The following SOX6 variants were observed in gnomAD, a reference collection of about 807,000 sequenced individuals.
The protein encoded by SOX6 is transcription factor SOX-6.
SOX6 carries 11 observed loss-of-function variants against 97.8 expected under a neutral mutation model. The ratio of observed to expected loss-of-function variants is 0.11; its 90% CI spans 0.07 to 0.19. The LOEUF is 0.19. SOX6 is among the 10% of genes least tolerant of loss of function. The probability of loss-of-function intolerance (pLI) is 1.00; values close to 1 mark genes in which losing one functional copy is unlikely to be tolerated. For synonymous variants in SOX6, 360 were observed against 371.4 expected (o/e 0.97, Z 0.35); for missense variants, 810 against 1,039.5 (o/e 0.78, Z 3.04).
intron 13 of SOX6, among the ~76,000 whole-genome samples, chr11:15,994,075 G>C (rs1488968710): frequency 6.6e-6 from 1 of 152,156 alleles, no homozygotes; most frequent in Non-Finnish European, 1.5e-5. Flanking sequence ...TTGTGATGGG[G>C]TATACAAAGA....
intron 3 of SOX6, among the ~76,000 whole-genome samples, chr11:16,624,880 A>G (rs1474162450): frequency 1.3e-5 from 2 of 152,190 alleles, no homozygotes; most frequent in African/African-American, 4.8e-5. Context: ...AATGACATTG[A>G]GCACTTTTTC....
chr11:16,281,168 C>T (rs1854548512), intron 3 of SOX6, among the ~76,000 whole-genome samples: 1 of 152,150 alleles, frequency 6.6e-6, no homozygotes, highest in South Asian at 2.1e-4. Flanking sequence ...AACTTTATTA[C>T]CAACAGAATA....
intron 3 of SOX6, among the ~76,000 whole-genome samples, chr11:16,241,366 T>G (rs956879491): frequency 1.3e-5 from 2 of 152,072 alleles, no homozygotes; most frequent in Non-Finnish European, 2.9e-5. Flanking sequence ...ATAAAAACAT[T>G]CCATTAGAAA....
intron 4 of SOX6, among the ~76,000 whole-genome samples, chr11:16,518,014 C>T (rs975295553): frequency 6.6e-6 from 1 of 152,128 alleles, no homozygotes; most frequent in South Asian, 2.1e-4. Context: ...TCATTGCTCG[C>T]CCCATCCATA....
intron 1 of SOX6, among the ~76,000 whole-genome samples, chr11:16,433,241 G>A (rs751601241): frequency 2.6e-5 from 4 of 151,780 alleles, no homozygotes; most frequent in African/African-American, 4.8e-5. Flanking sequence ...ACATCCATTC[G>A]TTATTTTTCC....
At chr11:16,284,457 T>G (rs1854672547) in intron 3 of SOX6, among the ~76,000 whole-genome samples, 1 of 152,158 alleles carries the variant, frequency 6.6e-6, no homozygotes, top group South Asian at 2.1e-4. Flanking sequence ...TACCATTTAC[T>G]CTACATTTCC....
chr11:16,365,607 T>C (rs1385147578), intron 1 of SOX6, among the ~76,000 whole-genome samples: 1 of 152,148 alleles, frequency 6.6e-6, no homozygotes, highest in Non-Finnish European at 1.5e-5. Flanking sequence ...AGACAAACTG[T>C]TGTGCTTATT....
chr11:16,608,837 T>C (rs1160772671), intron 4 of SOX6, among the ~76,000 whole-genome samples: 1 of 152,202 alleles, frequency 6.6e-6, no homozygotes, highest in Non-Finnish European at 1.5e-5. Context: ...ATGATATATG[T>C]ATATTACCTC....
intron 3 of SOX6, among the ~76,000 whole-genome samples, chr11:16,706,338 C>T (rs1848131840): frequency 6.8e-6 from 1 of 146,140 alleles, no homozygotes; most frequent in Non-Finnish European, 1.5e-5. Flanking sequence ...GTCCCAGCTA[C>T]TCAGGAGGCT....
intron 9 of SOX6, among the ~76,000 whole-genome samples, chr11:16,082,481 A>G (rs958627292): frequency 1.3e-5 from 2 of 152,184 alleles, no homozygotes; most frequent in Non-Finnish European, 2.9e-5. Flanking sequence ...CTGAGAAGCA[A>G]TGTGCTAAAT....
At chr11:16,710,499 A>T (rs1308123154) in intron 3 of SOX6, among the ~76,000 whole-genome samples, 1 of 152,218 alleles carries the variant, frequency 6.6e-6, no homozygotes, top group Non-Finnish European at 1.5e-5. Context: ...TCAGCATTCA[A>T]TGAAATCATC....
At chr11:16,107,403 ATG>A (rs1225929790) in intron 7 of SOX6, among the ~76,000 whole-genome samples, 1,739 of 147,216 alleles carry the variant, frequency 0.012, 33 homozygotes, top group African/African-American at 0.041. Context: ...ATGTATATAT[ATG>A]TATATATATA....
chr11:16,075,797 A>C (rs1412018421), intron 9 of SOX6, among the ~76,000 whole-genome samples: 1 of 152,170 alleles, frequency 6.6e-6, no homozygotes, highest in Non-Finnish European at 1.5e-5. Flanking sequence ...TAGAACTTAA[A>C]GTATATAATA....
chr11:15,980,898 TTA>T (rs1466537368), intron 15 of SOX6, among the ~76,000 whole-genome samples: 1 of 152,084 alleles, frequency 6.6e-6, no homozygotes, highest in African/African-American at 2.4e-5. Context: ...TAAGACACTA[TTA>T]TATGCTAATC....
chr11:16,254,757 G>A (rs796688496), intron 3 of SOX6, among the ~76,000 whole-genome samples: 16 of 151,964 alleles, frequency 1.1e-4, no homozygotes, highest in African/African-American at 3.6e-4. Flanking sequence ...ACCAAATATG[G>A]GTAGGTACTA....
chr11:16,512,373 C>T (rs890116642), intron 4 of SOX6, among the ~76,000 whole-genome samples: 10 of 152,212 alleles, frequency 6.6e-5, no homozygotes, highest in African/African-American at 2.4e-4. Context: ...TATGACATCA[C>T]ATCTTTGCAA....
chr11:15,980,818 A>G (rs2119816738), intron 15 of SOX6, among the ~76,000 whole-genome samples: 1 of 152,132 alleles, frequency 6.6e-6, no homozygotes, highest in Non-Finnish European at 1.5e-5. Flanking sequence ...TGTCTACAAA[A>G]TGAAGATTAG....
chr11:16,413,151 G>T lies in SOX6; in HGVS notation c.-5+63164C>A, dbSNP rs117150365. Among the ~76,000 whole-genome samples, 50 of 152,320 alleles carry T rather than the reference G, an allele frequency of 3.3e-4. 1 individual carries two copies. In the East Asian group the frequency reaches 6.2e-3, roughly 19 times the overall value. ...TTGCAAACTTCATTTAATAGCAGTT[G>T]CACAGCAAAAACTTCTTTGCATTGT... On this transcript the variant is annotated intron_variant, in intron 1 of 15. Coordinates refer to the SOX6 transcript ENST00000396356.
intron 4 of SOX6, among the ~76,000 whole-genome samples, chr11:16,490,861 A>T (rs1463344767): frequency 6.6e-6 from 1 of 152,110 alleles, no homozygotes; most frequent in East Asian, 1.9e-4. Context: ...TAATTGACAT[A>T]TTTATAATGG....
Sources: gnomAD v4.1 joint callset for allele counts (sites outside exome capture counted in the v4.1 genomes callset) on GRCh38, gnomAD v4.1.1 for gene constraint, MANE v1.5 for transcripts, NCBI Gene and HGNC (gene_info 2026-07-23, HGNC 2026-07-21) for gene names.